POU2F1: variants seen among roughly 807,000 people sequenced by gnomAD.
POU2F1 encodes POU domain, class 2, transcription factor 1.
A neutral mutation model predicts 84.9 loss-of-function variants in POU2F1; 16 were observed. That is an observed-to-expected ratio of 0.19 (90% CI 0.13 to 0.29). The LOEUF (loss-of-function observed/expected upper bound fraction) is 0.29, where lower values mean the gene tolerates loss of function less well. POU2F1 is among the 10% of genes least tolerant of loss of function. The pLI, the probability that POU2F1 is intolerant of heterozygous loss-of-function variation, is 1.00. For missense variants in POU2F1, 738 were observed against 942.6 expected, an observed-to-expected ratio of 0.78 and a Z score of 2.84; for synonymous variants, 368 against 368.3, an observed-to-expected ratio of 1.00 and a Z score of 0.01.
At chr1:167,413,137 A>C (rs10753757) in intron 15 of POU2F1, 23 bp downstream of exon 15, 1,141,681 of 1,584,222 alleles carry the variant, frequency 0.72, 413,121 homozygotes, top group East Asian at 0.89. Flanking sequence ...CTTTTTCTTA[A>C]TTTGGTGGCA....
chr1:167,353,235 C>A (rs1011059682), intron 2 of POU2F1, among the ~76,000 whole-genome samples: 1 of 152,020 alleles, frequency 6.6e-6, no homozygotes, highest in Non-Finnish European at 1.5e-5. Flanking sequence ...TTTGCTCTTT[C>A]GTTTTCTGAA....
chr1:167,336,783 C>T (rs890213594), intron 2 of POU2F1, among the ~76,000 whole-genome samples: 9 of 152,066 alleles, frequency 5.9e-5, no homozygotes, highest in East Asian at 3.9e-4. Flanking sequence ...AATCCCAGCA[C>T]TTTGGGAGGT....
intron 2 of POU2F1, among the ~76,000 whole-genome samples, chr1:167,358,338 T>C (rs113070374): frequency 3.3e-5 from 5 of 152,088 alleles, no homozygotes; most frequent in African/African-American, 1.2e-4. Flanking sequence ...TGTTTATGAA[T>C]GAAACTGGCT....
intron 1 of POU2F1, among the ~76,000 whole-genome samples, chr1:167,322,602 G>A (rs962287431): frequency 1.3e-5 from 2 of 152,224 alleles, no homozygotes; most frequent in African/African-American, 4.8e-5. Context: ...CCCGGTTTGG[G>A]CGCTACTTGC....
Position 167,299,702 on chromosome 1 carries a change from T to TTTTTTGTTTTTTG in POU2F1, c.62-32763_62-32762insGTTTTTTGTTTTT, listed in dbSNP as rs766242700. ...TCAATTCAGGAGACCAGAGTTTTTT[T>TTTTTTGTTTTTTG]TTTTTCATTTTATTTTGCTGCTGTT... On this transcript the variant is annotated intron_variant, in intron 1 of 15. Coordinates refer to ENST00000367866, the MANE Select transcript of POU2F1 (RefSeq NM_002697.4). Among the ~76,000 whole-genome samples the TTTTTTGTTTTTTG allele has an allele frequency of 1.3e-3, 192 of 151,770 alleles. 1 individual carries two copies. The highest frequency in any genetic ancestry group is 2.1e-3 in the Non-Finnish European group (140 of 67,990).
At chr1:167,386,025 G>A (rs1475741007) in intron 8 of POU2F1, among the ~76,000 whole-genome samples, 1 of 152,096 alleles carries the variant, frequency 6.6e-6, no homozygotes, top group Non-Finnish European at 1.5e-5. Flanking sequence ...TAGTGATCAG[G>A]AAAATTTAAA....
intron 2 of POU2F1, among the ~76,000 whole-genome samples, chr1:167,339,235 C>T (rs1657675756): frequency 6.6e-6 from 1 of 152,130 alleles, no homozygotes; most frequent in Non-Finnish European, 1.5e-5. Flanking sequence ...TCTCCTGTCC[C>T]CATCTTTTCT....
chr1:167,406,346 G>A (rs947527632), intron 13 of POU2F1, among the ~76,000 whole-genome samples: 2 of 152,156 alleles, frequency 1.3e-5, no homozygotes, highest in African/African-American at 4.8e-5. Context: ...CATGATGAAA[G>A]CTGAAATACA....
intron 1 of POU2F1, among the ~76,000 whole-genome samples, chr1:167,327,159 T>A (rs1294866127): frequency 1.3e-5 from 2 of 152,224 alleles, no homozygotes; most frequent in Non-Finnish European, 1.5e-5. Context: ...TAAATAAGAT[T>A]GATGCTTTCA....
At chr1:167,289,660 A>G (rs1653779397) in intron 1 of POU2F1, among the ~76,000 whole-genome samples, 1 of 152,220 alleles carries the variant, frequency 6.6e-6, no homozygotes, top group South Asian at 2.1e-4. Context: ...ATTAATTTTG[A>G]TTTTATGATC....
intron 13 of POU2F1, among the ~76,000 whole-genome samples, chr1:167,410,047 T>C (rs1649847825): frequency 6.6e-6 from 1 of 152,196 alleles, no homozygotes; most frequent in South Asian, 2.1e-4. Context: ...TGTTCAGTGG[T>C]TGATTGTTCT....
intron 2 of POU2F1, among the ~76,000 whole-genome samples, chr1:167,345,998 CAA>C (rs34988697): frequency 7.4e-4 from 92 of 124,066 alleles, no homozygotes; most frequent in Admixed American, 1.4e-3. Flanking sequence ...CGCATGTCTA[CAA>C]AAAAAAAAAA....
intron 13 of POU2F1, 119 bp from the exon 14 acceptor site, chr1:167,411,840 A>C (rs1230281112): frequency 2.2e-6 from 2 of 918,726 alleles, no homozygotes; most frequent in African/African-American, 3.4e-5. Context: ...TTATTAAAGG[A>C]CAGCTTTACT....
intron 13 of POU2F1, among the ~76,000 whole-genome samples, chr1:167,402,226 A>G (rs1045888223): frequency 2.6e-5 from 4 of 152,208 alleles, no homozygotes; most frequent in Admixed American, 2.0e-4. Context: ...TACATAGTGC[A>G]TAAGACATGC....
At chr1:167,349,478 A>G (rs570777477) in intron 2 of POU2F1, among the ~76,000 whole-genome samples, 5 of 152,176 alleles carry the variant, frequency 3.3e-5, no homozygotes, top group African/African-American at 9.6e-5. Flanking sequence ...CTATTTCCCA[A>G]CTAGAATGTA....
chr1:167,374,863 C>T (rs1016926006), intron 6 of POU2F1, among the ~76,000 whole-genome samples: 1 of 151,920 alleles, frequency 6.6e-6, no homozygotes, highest in African/African-American at 2.4e-5. Flanking sequence ...GTCAGGAGTT[C>T]GAGACCATAC....
chr1:167,266,849 C>T (rs1651996101), intron 1 of POU2F1, among the ~76,000 whole-genome samples: 1 of 151,984 alleles, frequency 6.6e-6, no homozygotes, highest in Non-Finnish European at 1.5e-5. Context: ...GTCTTGATCT[C>T]CTGACCTCAT....
At chr1:167,248,990 C>A (rs767101914) in intron 1 of POU2F1, among the ~76,000 whole-genome samples, 1 of 152,116 alleles carries the variant, frequency 6.6e-6, no homozygotes, top group Non-Finnish European at 1.5e-5. Flanking sequence ...TGTCTCATTT[C>A]GGAGTTTTGG....
At chr1:167,241,047 C>T (rs547897670) in intron 1 of POU2F1, among the ~76,000 whole-genome samples, 16 of 152,102 alleles carry the variant, frequency 1.1e-4, no homozygotes, top group South Asian at 2.1e-4. Context: ...GAGGCTGAGG[C>T]GGGAGAATCA....
Sources: gnomAD v4.1 joint callset for allele counts (sites outside exome capture counted in the v4.1 genomes callset) on GRCh38, gnomAD v4.1.1 for gene constraint, MANE v1.5 for transcripts, NCBI Gene and HGNC (gene_info 2026-07-23, HGNC 2026-07-21) for gene names.